Variants in RBFOX1 observed in about 807,000 individuals in gnomAD.
The protein encoded by RBFOX1 is RNA binding fox-1 homolog 1.
In RBFOX1, 8 loss-of-function variants were observed where a neutral mutation model predicts 57.7. The ratio of observed to expected loss-of-function variants is 0.14; its 90% CI spans 0.08 to 0.25. The LOEUF (loss-of-function observed/expected upper bound fraction) is 0.25. Among genes scored for constraint, RBFOX1 ranks in the 10% least tolerant of loss-of-function variants. The pLI is 1.00. For synonymous variants in RBFOX1, 326 were observed against 222.4 expected (o/e 1.47, Z -4.15); for missense variants, 611 against 548.5 (o/e 1.11, Z -1.14).
In RBFOX1 at chr16:7,155,289, A is replaced by G. The variant is rs2076859596; in HGVS notation, c.27+103191A>G. Among the ~76,000 whole-genome samples, 3 of 152,210 alleles carry G rather than the reference A, an allele frequency of 2.0e-5. No individual in the cohort carries two copies. In the South Asian group the frequency reaches 6.2e-4, roughly 32 times the overall value. On this transcript the variant is annotated intron_variant, in intron 4 of 15. Transcript: ENST00000550418. ...GTTCCAGAATAGCAAGTCTTGAGAA[A>G]GGAATCGAGAGTTGGAGGATTGGCC...
intron 4 of RBFOX1, among the ~76,000 whole-genome samples, chr16:7,185,363 T>C (rs1471364008): frequency 1.3e-5 from 2 of 152,214 alleles, no homozygotes. Flanking sequence ...GCCATGATGT[T>C]TCTGACAGGC....
At chr16:6,655,656 C>G (rs1568071381) in intron 3 of RBFOX1, among the ~76,000 whole-genome samples, 1 of 152,084 alleles carries the variant, frequency 6.6e-6, no homozygotes, top group Non-Finnish European at 1.5e-5. Flanking sequence ...AAAGCACATC[C>G]AAGAAGATCA....
At chr16:6,806,839 T>TATATATATATATATA (rs869129348) in intron 3 of RBFOX1, among the ~76,000 whole-genome samples, 3,030 of 109,080 alleles carry the variant, frequency 0.028, 102 homozygotes, top group African/African-American at 0.089. Flanking sequence ...TATATATATT[T>TATATATATATATATA]TTTTTTTTTT....
At chr16:6,460,550 C>T (rs966138259) in intron 2 of RBFOX1, among the ~76,000 whole-genome samples, 1 of 151,364 alleles carries the variant, frequency 6.6e-6, no homozygotes, top group African/African-American at 2.4e-5. Context: ...AATGAGATAC[C>T]ATCTCACACC....
intron 4 of RBFOX1, among the ~76,000 whole-genome samples, chr16:5,940,649 C>G (rs944109356): frequency 6.6e-6 from 1 of 152,200 alleles, no homozygotes; most frequent in African/African-American, 2.4e-5. Flanking sequence ...AGGGCCTGCC[C>G]CATAGTGGGA....
intron 2 of RBFOX1, among the ~76,000 whole-genome samples, chr16:5,479,752 C>G (rs905505707): frequency 6.6e-6 from 1 of 151,868 alleles, no homozygotes; most frequent in African/African-American, 2.4e-5. Context: ...AACTCCATCC[C>G]CGCCCCTCAC....
intron 3 of RBFOX1, among the ~76,000 whole-genome samples, chr16:7,022,449 G>T (rs893132528): frequency 2.0e-5 from 3 of 152,062 alleles, no homozygotes; most frequent in South Asian, 4.1e-4. Context: ...ATTTCCCTCT[G>T]TCTCTCTGAG....
chr16:7,514,055 A>C (rs1036109231), intron 4 of RBFOX1, among the ~76,000 whole-genome samples: 1 of 152,006 alleles, frequency 6.6e-6, no homozygotes, highest in African/African-American at 2.4e-5. Flanking sequence ...TGGCTTCTTA[A>C]CTGGTGATCC....
intron 3 of RBFOX1, among the ~76,000 whole-genome samples, chr16:5,725,289 G>A (rs2052100706): frequency 1.3e-5 from 2 of 151,928 alleles, no homozygotes; most frequent in Admixed American, 1.3e-4. Flanking sequence ...TGTCTCCCAG[G>A]CAGAAGTGCA....
chr16:6,562,205 C>T (rs998558729), intron 2 of RBFOX1, among the ~76,000 whole-genome samples: 3 of 152,184 alleles, frequency 2.0e-5, no homozygotes, highest in African/African-American at 7.2e-5. Flanking sequence ...GACTTGGGTG[C>T]CAGCCCTCTG....
intron 3 of RBFOX1, among the ~76,000 whole-genome samples, chr16:6,886,407 C>G (rs2064039233): frequency 6.6e-6 from 1 of 151,872 alleles, no homozygotes; most frequent in African/African-American, 2.4e-5. Context: ...AGAAAGGTTA[C>G]CAAATAAATT....
chr16:7,180,964 G>A (rs1008185281), intron 4 of RBFOX1, among the ~76,000 whole-genome samples: 1 of 152,208 alleles, frequency 6.6e-6, no homozygotes, highest in African/African-American at 2.4e-5. Flanking sequence ...ACTCAGCTTT[G>A]CAGTTGTAGA....
intron 6 of RBFOX1, among the ~76,000 whole-genome samples, chr16:7,581,645 C>G (rs746854781): frequency 1.3e-5 from 2 of 152,070 alleles, no homozygotes; most frequent in Non-Finnish European, 1.5e-5. Flanking sequence ...GTAGGGTAGA[C>G]GGCAAGGAGC....
At chr16:7,107,927 C>T (rs970452) in intron 4 of RBFOX1, among the ~76,000 whole-genome samples, 92,177 of 151,548 alleles carry the variant, frequency 0.61, 28,282 homozygotes, top group South Asian at 0.69. Context: ...TTGAAAAAGG[C>T]AGAGTTTACC....
intron 2 of RBFOX1, among the ~76,000 whole-genome samples, chr16:5,580,657 T>C (rs73519513): frequency 0.012 from 1,794 of 152,194 alleles, 44 homozygotes; most frequent in African/African-American, 0.042. Context: ...CTGGATACCT[T>C]TGGGGAGAGG....
At chr16:6,360,556 G>A (rs931305036) in intron 2 of RBFOX1, among the ~76,000 whole-genome samples, 2 of 152,070 alleles carry the variant, frequency 1.3e-5, no homozygotes, top group African/African-American at 2.4e-5. Flanking sequence ...TTATAGAAAT[G>A]GCAATGCCAC....
intron 3 of RBFOX1, among the ~76,000 whole-genome samples, chr16:7,001,501 G>A (rs1224255813): frequency 6.6e-6 from 1 of 152,012 alleles, no homozygotes; most frequent in Non-Finnish European, 1.5e-5. Context: ...TTGTTGCCGA[G>A]GATGGAGTAC....
chr16:7,186,994 C>CACACACACACAAA (rs2084002207), intron 4 of RBFOX1, among the ~76,000 whole-genome samples: 1 of 69,290 alleles, frequency 1.4e-5, no homozygotes, highest in African/African-American at 6.4e-5. Context: ...CCCACCTCCA[C>CACACACACACAAA]AAAAAAAAAA....
intron 1 of RBFOX1, among the ~76,000 whole-genome samples, chr16:6,169,917 A>C (rs1013602283): frequency 1.3e-5 from 2 of 152,118 alleles, no homozygotes; most frequent in African/African-American, 4.8e-5. Flanking sequence ...GGCATGCGCC[A>C]CCACACCTGA....
Sources: gnomAD v4.1 joint callset for allele counts (sites outside exome capture counted in the v4.1 genomes callset) on GRCh38, gnomAD v4.1.1 for gene constraint, MANE v1.5 for transcripts, NCBI Gene and HGNC (gene_info 2026-07-23, HGNC 2026-07-21) for gene names.